The following ARV1 variants were observed in gnomAD, a reference collection of about 807,000 sequenced individuals.
The protein encoded by ARV1 is protein ARV1.
A neutral mutation model predicts 31.1 loss-of-function variants in ARV1; 26 were observed. The ratio of observed to expected loss-of-function variants is 0.84; its 90% confidence interval spans 0.61 to 1.16. The LOEUF is 1.16. ARV1 is among the 50% of genes most tolerant of loss of function. ARV1 has a pLI of 0.00. For missense variants in ARV1, 281 were observed against 324.9 expected (o/e 0.86, Z 1.04); for synonymous variants, 117 against 123.2 (o/e 0.95, Z 0.34).
intron 1 of ARV1, among the ~76,000 whole-genome samples, chr1:230,982,007 C>T (rs1678923593): frequency 6.6e-6 from 1 of 152,232 alleles, no homozygotes; most frequent in Non-Finnish European, 1.5e-5. Flanking sequence ...TTATCTTTCT[C>T]TATAGCACCT....
At chr1:230,995,294 C>A (rs905927519) in intron 3 of ARV1, among the ~76,000 whole-genome samples, 7 of 152,110 alleles carry the variant, frequency 4.6e-5, no homozygotes, top group African/African-American at 9.7e-5. Flanking sequence ...ATTAAAAAAT[C>A]ATGTGGATAA....
intron 4 of ARV1, among the ~76,000 whole-genome samples, chr1:230,996,374 T>C (rs1365495349): frequency 1.3e-5 from 2 of 152,238 alleles, no homozygotes; most frequent in Non-Finnish European, 2.9e-5. Context: ...CAATTTCTAC[T>C]ATATCAGGAA....
chr1:230,989,994 G>A, intron 2 of ARV1, 116 bp from the exon 3 acceptor site: 1 of 1,037,654 alleles, frequency 9.6e-7, no homozygotes, highest in Non-Finnish European at 1.4e-6. Flanking sequence ...CACTTAATTG[G>A]GCAGTCCTGA....
At chr1:230,995,259 A>G (rs1679327236) in intron 3 of ARV1, among the ~76,000 whole-genome samples, 1 of 152,240 alleles carries the variant, frequency 6.6e-6, no homozygotes, top group South Asian at 2.1e-4. Flanking sequence ...TGTTAAAATG[A>G]GTAAAGGAAG....
chr1:230,979,284 G>A lies in ARV1; in HGVS notation c.174+5G>A. On this transcript the variant is annotated splice_donor_5th_base_variant and intron_variant, in intron 1 of 5. Coordinates refer to ENST00000310256, the MANE Select transcript of ARV1 (RefSeq NM_022786.3). ...GTGCTGAAGATAACCATCTGTGTGA[G>A]TTGTCAGGTGTGGGGTGCCCTTGAG... 1 of 1,613,574 alleles carries A rather than the reference G, an allele frequency of 6.2e-7. No homozygotes were observed. Among genetic ancestry groups the A allele is most frequent in the East Asian group, 2.2e-5 (1 of 44,828 alleles).
At chr1:230,981,693 TATC>T (rs753806137) in intron 1 of ARV1, among the ~76,000 whole-genome samples, 20 of 152,338 alleles carry the variant, frequency 1.3e-4, no homozygotes, top group Non-Finnish European at 2.6e-4. Flanking sequence ...ATTTAGATCA[TATC>T]ATCTCTTTGA....
chr1:230,982,397 C>G (rs1678933725), intron 1 of ARV1, among the ~76,000 whole-genome samples: 1 of 152,162 alleles, frequency 6.6e-6, no homozygotes, highest in Non-Finnish European at 1.5e-5. Flanking sequence ...TTCAATAATA[C>G]AAAAAATCTC....
intron 1 of ARV1, among the ~76,000 whole-genome samples, 167 bp from the exon 2 acceptor site, chr1:230,988,151 CTT>C (rs923241474): frequency 2.0e-5 from 3 of 152,214 alleles, no homozygotes; most frequent in African/African-American, 7.2e-5. Context: ...TTCTGAAACC[CTT>C]TCTTATATAG....
rs546511833 is a variant in ARV1 at position 230,994,735 on chromosome 1, G to A, written c.449-1025G>A. ...TGTTTTTTGTATTTTTAGTAGAGAC[G>A]GGGTTTCACCGTGTTAGCCAGGATG... On this transcript the variant is annotated intron_variant, in intron 3 of 5. Coordinates refer to ENST00000310256, the MANE Select transcript of ARV1 (RefSeq NM_022786.3). Among the ~76,000 whole-genome samples, 9 of 151,942 alleles carry A rather than the reference G, an allele frequency of 5.9e-5. No individual in the cohort carries two copies. The South Asian group carries it at 8.3e-4, about 14-fold the overall frequency.
chr1:230,981,690 T>A (rs1270847245), intron 1 of ARV1, among the ~76,000 whole-genome samples: 1 of 152,214 alleles, frequency 6.6e-6, no homozygotes, highest in Non-Finnish European at 1.5e-5. Flanking sequence ...GTAATTTAGA[T>A]CATATCATCT....
intron 3 of ARV1, 199 bp downstream of exon 3, chr1:230,990,462 C>T (rs996603888): frequency 1.7e-6 from 1 of 579,922 alleles, no homozygotes; most frequent in Non-Finnish European, 2.9e-6. Flanking sequence ...TTTGTTACCA[C>T]GTATATGGTA....
chr1:230,986,666 C>CTTTTTTTTTTTTTTTTTTTTT, intron 1 of ARV1, among the ~76,000 whole-genome samples: 1 of 79,690 alleles, frequency 1.3e-5, no homozygotes, highest in Admixed American at 1.7e-4. Flanking sequence ...AATACTTTTC[C>CTTTTTTTTTTTTTTTTTTTTT]TATTTTTTTT....
At chr1:230,990,470 G>A (rs1420673542) in intron 3 of ARV1, 1 of 542,246 alleles carries the variant, frequency 1.8e-6, no homozygotes. Context: ...CACGTATATG[G>A]TATGGAAGTA....
chr1:230,988,486 A>G (rs192683228), intron 2 of ARV1, 47 bp downstream of exon 2: 3 of 1,402,738 alleles, frequency 2.1e-6, no homozygotes, highest in African/African-American at 2.9e-5. Flanking sequence ...ATGCTGTTAC[A>G]TTTTAAAAGA....
intron 1 of ARV1, among the ~76,000 whole-genome samples, chr1:230,987,240 C>T (rs1558243004): frequency 6.6e-6 from 1 of 152,150 alleles, no homozygotes; most frequent in South Asian, 2.1e-4. Flanking sequence ...TGATTCACAT[C>T]CCGGACAGTG....
chr1:230,982,296 A>G (rs991021015), intron 1 of ARV1, among the ~76,000 whole-genome samples: 4 of 152,256 alleles, frequency 2.6e-5, no homozygotes, highest in Non-Finnish European at 5.9e-5. Context: ...GACTGGTCCA[A>G]TTAAATGGTC....
chr1:230,997,499 G>C (rs1679403755), intron 5 of ARV1, among the ~76,000 whole-genome samples: 1 of 151,956 alleles, frequency 6.6e-6, no homozygotes, highest in African/African-American at 2.4e-5. Flanking sequence ...GTTGCTTCTA[G>C]GGTCCTATCC....
At chr1:230,979,391 C>T in intron 1 of ARV1, 112 bp downstream of exon 1, 3 of 1,224,634 alleles carry the variant, frequency 2.4e-6, no homozygotes, top group South Asian at 2.7e-5. Context: ...TTGACATTCC[C>T]GCCCGGGATC....
intron 4 of ARV1, 43 bp downstream of exon 4, chr1:230,996,027 TA>T (rs1416517904): frequency 9.1e-6 from 14 of 1,532,026 alleles, no homozygotes; most frequent in Non-Finnish European, 1.2e-5. Context: ...TTTCAACCCA[TA>T]AAAAGCTTAA....
Sources: gnomAD v4.1 joint callset for allele counts (sites outside exome capture counted in the v4.1 genomes callset) on GRCh38, gnomAD v4.1.1 for gene constraint, MANE v1.5 for transcripts, NCBI Gene and HGNC (gene_info 2026-07-23, HGNC 2026-07-21) for gene names.